The following SAXO1 variants were observed in gnomAD, a reference collection of about 807,000 sequenced individuals.
The protein encoded by SAXO1 is stabilizer of axonemal microtubules 1.
Under a neutral mutation model 17.5 loss-of-function variants are expected in SAXO1, and 21 were observed. The observed-to-expected ratio is 1.20, with a 90% CI of 0.85 to 1.72. The LOEUF (loss-of-function observed/expected upper bound fraction) is 1.72. Ranked by LOEUF, SAXO1 falls within the 40% of genes most tolerant of loss-of-function variation. SAXO1 has a pLI of 0.00. For missense variants in SAXO1, 843 were observed against 596.0 expected (o/e 1.41, Z -4.32); for synonymous variants, 274 against 216.5 (o/e 1.27, Z -2.33).
At chr9:19,015,832 A>C (rs764144365) in intron 1 of SAXO1, among the ~76,000 whole-genome samples, 1 of 152,126 alleles carries the variant, frequency 6.6e-6, no homozygotes, top group South Asian at 2.1e-4. Flanking sequence ...TTGACACTCA[A>C]TGAAGTAACC....
At chr9:19,001,494 C>G (rs1204712236) in intron 1 of SAXO1, among the ~76,000 whole-genome samples, 1 of 151,916 alleles carries the variant, frequency 6.6e-6, no homozygotes, top group Non-Finnish European at 1.5e-5. Flanking sequence ...AGTGAAACCC[C>G]GTCTCTACTA....
rs1238190219 is a variant in SAXO1, at chr9:18,928,627, G to A, written c.850C>T (p.Pro284Ser). The A allele has an allele frequency of 2.5e-6, 4 of 1,614,062 alleles. No homozygotes were observed. The highest frequency in any genetic ancestry group is 2.2e-5 in the South Asian group (2 of 91,086). Residue 284 changes from proline to serine, a missense_variant, in exon 4 of 4, where the codon CCC (proline) becomes TCC (serine). Physicochemically the swap from Pro to Ser is moderately conservative, Grantham distance 74. Transcript: ENST00000380534. ...ATGGGAGCTTTGGAGAACATCCGGG[G>A]CATTGGCCAAGCTTGGTACTTATCT... ...FRDKYQAWPM[P>S]RMFSKAPITY...
At chr9:18,965,334 A>G (rs1346297526) in intron 1 of SAXO1, among the ~76,000 whole-genome samples, 2 of 151,960 alleles carry the variant, frequency 1.3e-5, no homozygotes, top group African/African-American at 2.4e-5. Context: ...TTGTTGACCT[A>G]ATATTGACAG....
upstream of SAXO1, among the ~76,000 whole-genome samples, chr9:19,034,089 C>T (rs150590615): frequency 3.9e-3 from 595 of 152,320 alleles, 2 homozygotes; most frequent in Middle Eastern, 0.037. Context: ...ACTGCTCTGG[C>T]CAGTTGTTTG....
Position 18,969,041 on chromosome 9 carries a change from T to G in SAXO1, c.39-18104A>C, listed in dbSNP as rs998769439. On this transcript the variant is annotated intron_variant, in intron 1 of 3. Coordinates refer to ENST00000380534, the MANE Select transcript of SAXO1 (RefSeq NM_153707.4). Reference sequence around the variant, plus strand: ...GTTGATGCTGGAAATGGGGGCCCACTCTGTTCTCTTTTTGCAGTTTTTTTT... The same window carrying G: ...GTTGATGCTGGAAATGGGGGCCCACGCTGTTCTCTTTTTGCAGTTTTTTTT... 2.1e-5 allele frequency among the ~76,000 whole-genome samples: 3 copies of G among 145,032 alleles called. No homozygotes were observed. In the East Asian group the frequency reaches 5.8e-4, roughly 28 times the overall value.
Position 19,010,195 on chromosome 9 carries a change from G to A in SAXO1, c.38+22676C>T, listed in dbSNP as rs966822699. 3.3e-5 allele frequency among the ~76,000 whole-genome samples: 5 copies of A among 152,086 alleles called. No individual in the cohort carries two copies. In the South Asian group the frequency reaches 8.3e-4, roughly 25 times the overall value. ...CACCTTATATAAAAGTTGAAACCTA[G>A]TAAGGTTTATTTTCACTTATCTGCA... On this transcript the variant is annotated intron_variant, in intron 1 of 3. Coordinates refer to ENST00000380534, the MANE Select transcript of SAXO1 (RefSeq NM_153707.4).
intron 1 of SAXO1, among the ~76,000 whole-genome samples, chr9:18,982,058 C>T (rs1035705761): frequency 6.6e-6 from 1 of 152,182 alleles, no homozygotes; most frequent in Admixed American, 6.5e-5. Context: ...CCCTCACATG[C>T]TTCACTCTGT....
chr9:19,011,501 C>T (rs1240286239), intron 1 of SAXO1, among the ~76,000 whole-genome samples: 1 of 152,184 alleles, frequency 6.6e-6, no homozygotes, highest in Admixed American at 6.5e-5. Flanking sequence ...TTTTCATAAG[C>T]ATCCAAGTTT....
intron 1 of SAXO1, among the ~76,000 whole-genome samples, chr9:18,982,843 T>G (rs1250409631): frequency 6.6e-6 from 1 of 152,186 alleles, no homozygotes; most frequent in Non-Finnish European, 1.5e-5. Context: ...TTTATGGAGA[T>G]ACAAACTAAA....
chr9:18,973,070 G>T (rs1833010603), intron 1 of SAXO1, among the ~76,000 whole-genome samples: 2 of 152,204 alleles, frequency 1.3e-5, no homozygotes, highest in Admixed American at 1.3e-4. Context: ...AAGATGTGGA[G>T]TCAGAACACT....
At chr9:19,028,566 T>C (rs1483252943) in intron 1 of SAXO1, among the ~76,000 whole-genome samples, 1 of 152,194 alleles carries the variant, frequency 6.6e-6, no homozygotes, top group Non-Finnish European at 1.5e-5. Flanking sequence ...TCAAAAAAAA[T>C]TTAGATGCTG....
At chr9:18,939,354 T>G (rs1358922858) in intron 3 of SAXO1, among the ~76,000 whole-genome samples, 1 of 152,200 alleles carries the variant, frequency 6.6e-6, no homozygotes, top group Non-Finnish European at 1.5e-5. Flanking sequence ...GTGTGGTGCC[T>G]GCTGTGAGAG....
chr9:18,974,095 A>G (rs1425566920), intron 1 of SAXO1, among the ~76,000 whole-genome samples: 1 of 152,188 alleles, frequency 6.6e-6, no homozygotes, highest in Non-Finnish European at 1.5e-5. Context: ...GCAGACAGTA[A>G]GGGGTTGTAG....
chr9:18,959,786 A>T (rs896545262), intron 1 of SAXO1, among the ~76,000 whole-genome samples: 1 of 152,100 alleles, frequency 6.6e-6, no homozygotes, highest in Non-Finnish European at 1.5e-5. Flanking sequence ...AAAAAAAAAA[A>T]AAGATTCCAG....
intron 1 of SAXO1, among the ~76,000 whole-genome samples, chr9:18,996,310 C>A (rs1242404152): frequency 6.6e-6 from 1 of 152,184 alleles, no homozygotes; most frequent in Non-Finnish European, 1.5e-5. Context: ...GGGATACATT[C>A]TGAGAAATGC....
rs562875622 is a variant in SAXO1 at position 18,993,617 on chromosome 9, T to G, written c.38+39254A>C. Among the ~76,000 whole-genome samples the G allele has an allele frequency of 3.2e-4, 49 of 152,272 alleles. No individual in the cohort carries two copies. The South Asian group carries it at 9.7e-3, about 30-fold the overall frequency. On this transcript the variant is annotated intron_variant, in intron 1 of 3. Transcript: ENST00000380534. ...AACACAGAGGAGCACAGCTTTTATTTCCATTCCAGATGGCTTCAAGAGAGA... is the reference window on the plus strand; with the variant it reads ...AACACAGAGGAGCACAGCTTTTATTGCCATTCCAGATGGCTTCAAGAGAGA...
rs1481132218 is a variant in SAXO1, at chr9:19,032,977, C to T, written c.-69G>A. The T allele has an allele frequency of 2.6e-6, 4 of 1,521,256 alleles. No homozygotes were observed. The highest frequency in any genetic ancestry group is 2.7e-5 in the African/African-American group (2 of 72,992). The allele number at this position is 1,521,256 out of a possible 1,614,324, so 94.2% of individuals were successfully genotyped here. A position where few individuals can be genotyped will look rare whatever the true frequency, so the allele number is the denominator to read the frequency against. Reference sequence around the variant, plus strand: ...GCTGCAGCCGACTCCTAGACCCCAACCACCTGTCTTGGGGCACGCCCAGGC... The same window carrying T: ...GCTGCAGCCGACTCCTAGACCCCAATCACCTGTCTTGGGGCACGCCCAGGC... On this transcript the variant is annotated 5_prime_UTR_variant, in exon 1 of 4. Coordinates refer to ENST00000380534, the MANE Select transcript of SAXO1 (RefSeq NM_153707.4).
chr9:19,009,044 G>A (rs184289000), intron 1 of SAXO1, among the ~76,000 whole-genome samples: 12 of 152,182 alleles, frequency 7.9e-5, no homozygotes, highest in Non-Finnish European at 1.3e-4. Flanking sequence ...TGTCTAGTTC[G>A]CTTTCAAATA....
At chr9:18,991,504 G>C (rs1350450432) in intron 1 of SAXO1, among the ~76,000 whole-genome samples, 2 of 152,030 alleles carry the variant, frequency 1.3e-5, no homozygotes, top group Non-Finnish European at 2.9e-5. Context: ...TTCATAGGTG[G>C]GAATTGAACA....
Sources: allele counts gnomAD v4.1 joint callset (sites outside exome capture counted in the v4.1 genomes callset), GRCh38; gene constraint gnomAD v4.1.1; transcripts MANE v1.5; gene names NCBI Gene and HGNC (gene_info 2026-07-23, HGNC 2026-07-21).